ASXL2: variants seen among roughly 807,000 people sequenced by gnomAD.
ASXL2 encodes putative Polycomb group protein ASXL2.
In ASXL2, 23 loss-of-function variants were observed where a neutral mutation model predicts 122.0. The ratio of observed to expected loss-of-function variants is 0.19; its 90% CI spans 0.14 to 0.27. The LOEUF is 0.27. Among genes scored for constraint, ASXL2 ranks in the 10% least tolerant of loss-of-function variants. The probability of loss-of-function intolerance (pLI) is 1.00; values close to 1 mark genes in which losing one functional copy is unlikely to be tolerated. For synonymous variants in ASXL2, 650 were observed against 637.0 expected (o/e 1.02, Z -0.31); for missense variants, 1,518 against 1,713.8 (o/e 0.89, Z 2.02).
intron 9 of ASXL2, among the ~76,000 whole-genome samples, chr2:25,756,895 G>A (rs942452834): frequency 2.0e-5 from 3 of 152,144 alleles, no homozygotes; most frequent in Non-Finnish European, 4.4e-5. Context: ...CTGGTACGAG[G>A]GTAATAGTGT....
chr2:25,816,732 A>T (rs1441276135), intron 3 of ASXL2, among the ~76,000 whole-genome samples: 2 of 152,242 alleles, frequency 1.3e-5, no homozygotes, highest in Non-Finnish European at 2.9e-5. Context: ...TTGCTTTCTT[A>T]GCAATACTCA....
chr2:25,795,218 T>C (rs1485345287), intron 5 of ASXL2, among the ~76,000 whole-genome samples: 2 of 152,208 alleles, frequency 1.3e-5, no homozygotes, highest in Admixed American at 6.5e-5. Flanking sequence ...AAGAGCTTTA[T>C]AGAGCATCTC....
intron 3 of ASXL2, among the ~76,000 whole-genome samples, chr2:25,834,947 C>T (rs569375576): frequency 9.2e-5 from 14 of 152,112 alleles, no homozygotes; most frequent in African/African-American, 3.4e-4. Context: ...CTCAGCCTCC[C>T]GAGTAGCTGG....
chr2:25,852,251 T>A (rs1037637217), intron 1 of ASXL2, among the ~76,000 whole-genome samples: 1 of 152,232 alleles, frequency 6.6e-6, no homozygotes, highest in Non-Finnish European at 1.5e-5. Flanking sequence ...TAAAGCTAGA[T>A]TTTTAAAGGG....
chr2:25,825,917 A>G (rs955190990), intron 3 of ASXL2, among the ~76,000 whole-genome samples: 1 of 152,208 alleles, frequency 6.6e-6, no homozygotes, highest in Non-Finnish European at 1.5e-5. Flanking sequence ...CAAAAATCAG[A>G]TAAGATATCG....
At chr2:25,768,948 G>T in intron 6 of ASXL2, 80 bp from the exon 7 acceptor site, 4 of 1,451,074 alleles carry the variant, frequency 2.8e-6, no homozygotes, top group Non-Finnish European at 2.8e-6. Flanking sequence ...TTTTTAAATG[G>T]CAAGAAGCAT....
chr2:25,742,038 G>A lies in ASXL2; in HGVS notation c.4299C>T (p.Val1433=), dbSNP rs371044436. ...TCTCTTTCTAGTCTCATTACCGAAC[G>A]ACAAGGCAGGAGACGCACAGTTTGG... ...GPSKLCVSCL[V]VR The change falls in exon 13 of 13, where the codon GTC becomes GTT. Residue 1433 remains valine (V), a synonymous_variant. Coordinates refer to ENST00000435504, the MANE Select transcript of ASXL2 (RefSeq NM_018263.6). 6 of 1,611,556 alleles carry A rather than the reference G, an allele frequency of 3.7e-6. No homozygotes were observed. The highest frequency in any genetic ancestry group is 2.2e-5 in the South Asian group (2 of 90,848).
At chr2:25,792,253 T>C (rs577790537) in intron 5 of ASXL2, among the ~76,000 whole-genome samples, 1 of 152,292 alleles carries the variant, frequency 6.6e-6, no homozygotes, top group Admixed American at 6.5e-5. Context: ...CCTCCCACCT[T>C]GGCCTCCCAA....
Position 25,776,225 on chromosome 2 carries a change from T to C in ASXL2, c.404-4685A>G, listed in dbSNP as rs138877747. 2.7e-3 allele frequency among the ~76,000 whole-genome samples: 408 copies of C among 152,304 alleles called. 3 individuals are homozygous for C. The highest frequency in any genetic ancestry group is 9.4e-3 in the African/African-American group (391 of 41,568). The stretch of plus-strand genomic sequence containing the variant: ...TAATCTACTTTTTGTCTCTATAAAT[T>C]TGCCTCTTAGGGATATTTCATATAA... On this transcript the variant is annotated intron_variant, in intron 5 of 12. Coordinates refer to ENST00000435504, the MANE Select transcript of ASXL2 (RefSeq NM_018263.6).
At position 25,750,047 on chromosome 2, in the gene ASXL2, C is replaced by G; in HGVS notation, c.1509G>C (p.Lys503Asn). Residue 503 changes from lysine (K) to asparagine (N), a missense_variant, in exon 12 of 13, where the codon AAG (lysine) becomes AAC (asparagine). This residue lies in a region of ASXL2 where 292 missense variants were observed against 293.5 expected (regional missense o/e 1.00). Coordinates refer to ENST00000435504, the MANE Select transcript of ASXL2 (RefSeq NM_018263.6). The stretch of plus-strand genomic sequence containing the variant: ...AATTAGAAGCTGTGGTGAGATGGTT[C>G]TTCTCAGATTCCTGTTCAGCAGAGG... ...PVTSAEQESE[K>N]NHLTTASNYN... The G allele has an allele frequency of 6.2e-7, 1 of 1,613,976 alleles. No individual in the cohort carries two copies. The highest frequency in any genetic ancestry group is 2.2e-5 in the East Asian group (1 of 44,892).
At chr2:25,856,997 C>G in intron 1 of ASXL2, 1 of 265,622 alleles carries the variant, frequency 3.8e-6, no homozygotes, top group Non-Finnish European at 7.0e-6. Context: ...GTAATGATAG[C>G]AAGTTTCTTC....
intron 8 of ASXL2, among the ~76,000 whole-genome samples, chr2:25,761,095 A>T (rs2088234534): frequency 1.3e-5 from 2 of 152,224 alleles, no homozygotes; most frequent in Admixed American, 1.3e-4. Context: ...ATATTTTTAG[A>T]GGTTTAGCAA....
At chr2:25,839,685 C>G (rs1313511471) in intron 2 of ASXL2, among the ~76,000 whole-genome samples, 1 of 145,284 alleles carries the variant, frequency 6.9e-6, no homozygotes, top group South Asian at 2.2e-4. Flanking sequence ...TGCAGTGGCA[C>G]GATCACGGCT....
At chr2:25,771,587 C>A in intron 5 of ASXL2, 47 bp from the exon 6 acceptor site, 1 of 1,460,378 alleles carries the variant, frequency 6.8e-7, no homozygotes, top group Non-Finnish European at 9.5e-7. Flanking sequence ...AACAGAGATA[C>A]CAAGCACCAT....
intron 5 of ASXL2, among the ~76,000 whole-genome samples, chr2:25,789,399 T>C (rs2149166083): frequency 6.6e-6 from 1 of 152,310 alleles, no homozygotes; most frequent in East Asian, 1.9e-4. Flanking sequence ...GACATTATTC[T>C]GTTCTAGACA....
intron 1 of ASXL2, among the ~76,000 whole-genome samples, chr2:25,877,103 T>TA (rs1446004014): frequency 6.6e-6 from 1 of 152,174 alleles, no homozygotes; most frequent in Non-Finnish European, 1.5e-5. Flanking sequence ...AAAAACTCAT[T>TA]AAAAAATAAA....
intron 1 of ASXL2, 116 bp from the exon 2 acceptor site, chr2:25,845,679 C>A: frequency 2.7e-6 from 1 of 365,438 alleles, no homozygotes; most frequent in Non-Finnish European, 4.6e-6. Context: ...TTATTCACTA[C>A]TAATACATAT....
intron 12 of ASXL2, among the ~76,000 whole-genome samples, chr2:25,747,237 G>C (rs1234555061): frequency 6.6e-6 from 1 of 152,068 alleles, no homozygotes; most frequent in Non-Finnish European, 1.5e-5. Context: ...CATATAATGT[G>C]CATGTGTGTA....
At chr2:25,845,457 A>T in intron 2 of ASXL2, 24 bp downstream of exon 2, 1 of 1,387,968 alleles carries the variant, frequency 7.2e-7, no homozygotes, top group Non-Finnish European at 9.6e-7. Context: ...TATAATTATT[A>T]CTAAAAATAT....
Sources: allele counts gnomAD v4.1 joint callset (sites outside exome capture counted in the v4.1 genomes callset), GRCh38; gene constraint gnomAD v4.1.1; regional missense constraint gnomAD v4.1.1; transcripts MANE v1.5; gene names NCBI Gene and HGNC (gene_info 2026-07-23, HGNC 2026-07-21).